ZNF148: variants seen among roughly 807,000 people sequenced by gnomAD.
ZNF148 encodes Beta-Enolase Repressor Factor-1.
A neutral mutation model predicts 67.7 loss-of-function variants in ZNF148; 7 were observed. The ratio of observed to expected loss-of-function variants is 0.10; its 90% CI spans 0.06 to 0.19. The LOEUF (loss-of-function observed/expected upper bound fraction) is 0.19, where lower values mean the gene tolerates loss of function less well. ZNF148 is among the 10% of genes least tolerant of loss of function. The pLI, the probability that ZNF148 is intolerant of heterozygous loss-of-function variation, is 1.00. For synonymous variants in ZNF148, 333 were observed against 330.7 expected (o/e 1.01, Z -0.08); for missense variants, 583 against 947.1 (o/e 0.62, Z 5.05).
chr3:125,234,450 A>G, intron 7 of ZNF148, 121 bp from the exon 8 acceptor site: 1 of 703,244 alleles, frequency 1.4e-6, no homozygotes, highest in South Asian at 2.0e-5. Flanking sequence ...TTCATTTGTC[A>G]AATATATTTT....
intron 1 of ZNF148, among the ~76,000 whole-genome samples, chr3:125,347,852 C>T (rs1472164977): frequency 6.6e-6 from 1 of 151,986 alleles, no homozygotes; most frequent in Non-Finnish European, 1.5e-5. Flanking sequence ...TTTTTTGACA[C>T]CAAGACAATT....
intron 7 of ZNF148, among the ~76,000 whole-genome samples, chr3:125,262,728 T>C (rs1181126609): frequency 2.0e-5 from 3 of 152,240 alleles, no homozygotes; most frequent in African/African-American, 2.4e-5. Flanking sequence ...ACTTCTAAGA[T>C]ATTAAACTGC....
intron 2 of ZNF148, among the ~76,000 whole-genome samples, chr3:125,329,577 C>T (rs1252494238): frequency 3.3e-5 from 5 of 151,414 alleles, no homozygotes; most frequent in African/African-American, 4.9e-5. Context: ...AAGCTAGTCT[C>T]GAACTCCTGA....
intron 7 of ZNF148, among the ~76,000 whole-genome samples, chr3:125,261,290 G>C (rs2107572900): frequency 6.6e-6 from 1 of 152,280 alleles, no homozygotes; most frequent in Non-Finnish European, 1.5e-5. Flanking sequence ...ATGAGCAGGA[G>C]AATGAAAGGA....
intron 1 of ZNF148, chr3:125,344,942 A>G: frequency 6.2e-6 from 1 of 161,296 alleles, no homozygotes. Flanking sequence ...TGGCCCAATT[A>G]TATGTTGCTT....
intron 3 of ZNF148, among the ~76,000 whole-genome samples, chr3:125,315,707 C>CAAA (rs35145293): frequency 1.8e-4 from 20 of 113,320 alleles, no homozygotes; most frequent in African/African-American, 1.9e-4. Flanking sequence ...GACTCCATCT[C>CAAA]AAAAAAAAAA....
intron 2 of ZNF148, among the ~76,000 whole-genome samples, chr3:125,329,787 A>G (rs1941204183): frequency 6.6e-6 from 1 of 152,186 alleles, no homozygotes; most frequent in South Asian, 2.1e-4. Flanking sequence ...ATATGTCCAA[A>G]TATCAGAATA....
At chr3:125,359,040 T>C (rs989403933) in intron 1 of ZNF148, among the ~76,000 whole-genome samples, 1 of 152,214 alleles carries the variant, frequency 6.6e-6, no homozygotes, top group African/African-American at 2.4e-5. Context: ...TCCACCCAAA[T>C]ATTCAGAATA....
rs397935090 is a variant in ZNF148 at position 125,257,581 on chromosome 3, A to AG, written c.667+20144dup. Among the ~76,000 whole-genome samples, 5 of 149,342 alleles carry AG rather than the reference A, an allele frequency of 3.3e-5. No homozygotes were observed. The East Asian group carries it at 5.9e-4, about 18-fold the overall frequency. ...ATTAAAAAAAAAAAAAAAAAAAAAA[A>AG]GTTCACCCTTTCTTCTCCAGAGCAC... On this transcript the variant is annotated intron_variant, in intron 7 of 8. Coordinates refer to ENST00000360647, the MANE Select transcript of ZNF148 (RefSeq NM_021964.3).
intron 7 of ZNF148, among the ~76,000 whole-genome samples, chr3:125,248,170 T>C (rs1049252918): frequency 3.3e-5 from 5 of 152,218 alleles, no homozygotes; most frequent in African/African-American, 9.6e-5. Flanking sequence ...TGGCTGGATA[T>C]GTAGGCACCA....
At chr3:125,374,143 T>C (rs1942982645) in intron 1 of ZNF148, among the ~76,000 whole-genome samples, 1 of 152,094 alleles carries the variant, frequency 6.6e-6, no homozygotes, top group Non-Finnish European at 1.5e-5. Flanking sequence ...TACTCATTGG[T>C]GCACGTCTAA....
At chr3:125,287,847 G>A (rs951847714) in intron 5 of ZNF148, among the ~76,000 whole-genome samples, 13 of 152,086 alleles carry the variant, frequency 8.5e-5, no homozygotes, top group African/African-American at 3.1e-4. Flanking sequence ...CAAATGAGAA[G>A]AAAGGGCAAT....
At chr3:125,351,122 G>A (rs1467024750) in intron 1 of ZNF148, among the ~76,000 whole-genome samples, 2 of 152,104 alleles carry the variant, frequency 1.3e-5, no homozygotes, top group African/African-American at 2.4e-5. Flanking sequence ...TGGGAGGATC[G>A]CTTGAAGCCA....
intron 4 of ZNF148, among the ~76,000 whole-genome samples, chr3:125,303,129 G>A (rs533239956): frequency 6.6e-6 from 1 of 152,306 alleles, no homozygotes. Flanking sequence ...CATCCTGTAG[G>A]ATTCCATTGA....
chr3:125,317,376 T>C (rs1940551060), intron 3 of ZNF148, among the ~76,000 whole-genome samples: 2 of 152,082 alleles, frequency 1.3e-5, no homozygotes, highest in Non-Finnish European at 1.5e-5. Flanking sequence ...CTGCTAGGGA[T>C]ATACAGTATA....
At chr3:125,261,102 C>T (rs1013574841) in intron 7 of ZNF148, among the ~76,000 whole-genome samples, 2 of 152,254 alleles carry the variant, frequency 1.3e-5, no homozygotes, top group Non-Finnish European at 2.9e-5. Context: ...AAAAGGGCCA[C>T]AAAGTAAATA....
intron 3 of ZNF148, among the ~76,000 whole-genome samples, chr3:125,320,958 GATGAAACCC>G (rs950233052): frequency 1.3e-5 from 2 of 152,168 alleles, no homozygotes; most frequent in Non-Finnish European, 2.9e-5. Context: ...CATTTGGTGA[GATGAAACCC>G]ATGATTAATA....
intron 7 of ZNF148, among the ~76,000 whole-genome samples, chr3:125,250,725 ATTAT>A (rs1936805076): frequency 1.3e-5 from 2 of 152,108 alleles, no homozygotes; most frequent in Non-Finnish European, 2.9e-5. Context: ...TGTTTTTTGC[ATTAT>A]TTGACTATTT....
chr3:125,285,852 C>T (rs1440703767), intron 5 of ZNF148, among the ~76,000 whole-genome samples: 4 of 152,138 alleles, frequency 2.6e-5, no homozygotes, highest in Non-Finnish European at 4.4e-5. Context: ...TATATAAATA[C>T]TTAAATAATA....
Sources: gnomAD v4.1 joint callset for allele counts (sites outside exome capture counted in the v4.1 genomes callset) on GRCh38, gnomAD v4.1.1 for gene constraint, MANE v1.5 for transcripts, NCBI Gene and HGNC (gene_info 2026-07-23, HGNC 2026-07-21) for gene names.